The following DOCK1 variants were observed in gnomAD, a reference collection of about 807,000 sequenced individuals.
DOCK1 encodes dedicator of cytokinesis 1.
DOCK1 carries 138 observed loss-of-function variants against 262.7 expected under a neutral mutation model. The observed-to-expected ratio is 0.53, with a 90% CI of 0.46 to 0.61. DOCK1 has a LOEUF of 0.61. Ranked by LOEUF, DOCK1 falls within the 20% of genes least tolerant of loss-of-function variation. The pLI, the probability that DOCK1 is intolerant of heterozygous loss-of-function variation, is 0.00. For synonymous variants in DOCK1, 866 were observed against 867.4 expected (o/e 1.00, Z 0.03); for missense variants, 1,908 against 2,370.7 (o/e 0.80, Z 4.05).
At chr10:127,282,003 A>G (rs1420774532) in intron 29 of DOCK1, among the ~76,000 whole-genome samples, 1 of 152,204 alleles carries the variant, frequency 6.6e-6, no homozygotes, top group Non-Finnish European at 1.5e-5. Flanking sequence ...CACTAATACT[A>G]CAATAGCTGG....
Position 127,359,818 on chromosome 10 carries a change from G to A in DOCK1, c.3284-2246G>A, listed in dbSNP as rs145383074. Among the ~76,000 whole-genome samples, 804 of 150,714 alleles carry A rather than the reference G, an allele frequency of 5.3e-3. 6 individuals carry two copies. Among genetic ancestry groups the A allele is most frequent in the African/African-American group, 0.019 (755 of 40,680 alleles). ...CTTTAATGATTCTCTTTACAGAAAT[G>A]TATATTCACTGAGTTGCAAAGAAAA... is the stretch of plus-strand genomic sequence containing the variant. On this transcript the variant is annotated intron_variant, in intron 32 of 51. Coordinates refer to ENST00000623213, the MANE Select transcript of DOCK1 (RefSeq NM_001290223.2).
intron 1 of DOCK1, among the ~76,000 whole-genome samples, chr10:126,934,063 C>T (rs1194629520): frequency 6.6e-6 from 1 of 152,118 alleles, no homozygotes; most frequent in Non-Finnish European, 1.5e-5. Context: ...AATCTGCCCT[C>T]CTCTTGGCCT....
intron 29 of DOCK1, 34 bp downstream of exon 29, chr10:127,257,463 A>T: frequency 6.5e-7 from 1 of 1,548,926 alleles, no homozygotes; most frequent in South Asian, 1.2e-5. Flanking sequence ...CACCTTTTCT[A>T]TGGCTCCCAA....
At chr10:127,183,096 T>A (rs976584940) in intron 27 of DOCK1, among the ~76,000 whole-genome samples, 11 of 88,720 alleles carry the variant, frequency 1.2e-4, no homozygotes, top group Admixed American at 2.7e-4. Flanking sequence ...TTTTTTTTTT[T>A]AACTAAACAG....
intron 1 of DOCK1, among the ~76,000 whole-genome samples, chr10:126,926,108 G>C (rs1032080858): frequency 3.9e-5 from 6 of 152,108 alleles, no homozygotes; most frequent in Admixed American, 1.3e-4. Flanking sequence ...AGAGTGATGT[G>C]ATAGGGGTAA....
At chr10:127,091,105 C>G (rs1273444214) in intron 23 of DOCK1, among the ~76,000 whole-genome samples, 1 of 152,000 alleles carries the variant, frequency 6.6e-6, no homozygotes, top group African/African-American at 2.4e-5. Context: ...CCTCAGCCTC[C>G]CGAGTAGCTG....
chr10:127,365,578 C>CA (rs762651730), intron 33 of DOCK1, among the ~76,000 whole-genome samples: 1 of 152,162 alleles, frequency 6.6e-6, no homozygotes, highest in Non-Finnish European at 1.5e-5. Context: ...AGATAAATGT[C>CA]ACTGGCACAG....
intron 27 of DOCK1, among the ~76,000 whole-genome samples, chr10:127,209,534 G>A (rs537138387): frequency 2.4e-4 from 37 of 152,284 alleles, no homozygotes; most frequent in Admixed American, 7.2e-4. Flanking sequence ...ACTGTCAGAG[G>A]CAACAGTACA....
chr10:126,928,588 G>C (rs919202376), intron 1 of DOCK1, among the ~76,000 whole-genome samples: 1,828 of 151,906 alleles, frequency 0.012, 33 homozygotes, highest in African/African-American at 0.041. Flanking sequence ...AGTCTGACTT[G>C]TGAACTTGCC....
chr10:127,279,383 T>C (rs967478943), intron 29 of DOCK1, among the ~76,000 whole-genome samples: 1 of 152,182 alleles, frequency 6.6e-6, no homozygotes, highest in African/African-American at 2.4e-5. Flanking sequence ...CAATACTGAT[T>C]TAGTATCTCA....
At chr10:127,343,516 A>T in intron 30 of DOCK1, 130 bp from the exon 31 acceptor site, 2 of 744,970 alleles carry the variant, frequency 2.7e-6, no homozygotes, top group Non-Finnish European at 4.3e-6. Context: ...ACATGTATAG[A>T]GTGAGTGTGG....
rs148743579 is a variant in DOCK1, at chr10:127,033,368, A to G, written c.1912+1048A>G. On this transcript the variant is annotated intron_variant, in intron 18 of 51. Coordinates refer to ENST00000623213, the MANE Select transcript of DOCK1 (RefSeq NM_001290223.2). Reference sequence around the variant, plus strand: ...CGATGCTTTGAGTGCCTGCACCACCACTGCTTGCAGCCTCTCCAGTGACAT... The same window carrying G: ...CGATGCTTTGAGTGCCTGCACCACCGCTGCTTGCAGCCTCTCCAGTGACAT... 2.7e-3 allele frequency among the ~76,000 whole-genome samples: 417 copies of G among 152,288 alleles called. 1 individual carries two copies. Among genetic ancestry groups the G allele is most frequent in the African/African-American group, 8.8e-3 (366 of 41,544 alleles).
At chr10:127,268,532 A>G (rs1264846971) in intron 29 of DOCK1, among the ~76,000 whole-genome samples, 1 of 139,412 alleles carries the variant, frequency 7.2e-6, no homozygotes, top group Non-Finnish European at 1.6e-5. Context: ...AGAAGAGGAA[A>G]GAAAGAAAGA....
intron 27 of DOCK1, among the ~76,000 whole-genome samples, chr10:127,168,405 T>C (rs2054271172): frequency 1.3e-5 from 2 of 152,274 alleles, no homozygotes; most frequent in South Asian, 4.1e-4. Context: ...ACAACCTTTT[T>C]GCTTCTGATC....
intron 1 of DOCK1, among the ~76,000 whole-genome samples, chr10:126,915,438 G>C (rs1216125455): frequency 6.7e-6 from 1 of 148,482 alleles, no homozygotes. Flanking sequence ...GGCGGGGGGG[G>C]GATGGAGTCT....
intron 24 of DOCK1, among the ~76,000 whole-genome samples, chr10:127,106,666 G>A (rs888850746): frequency 3.9e-5 from 6 of 152,050 alleles, no homozygotes; most frequent in Middle Eastern, 3.4e-3. Context: ...ATATTCCTGC[G>A]CCGGCTTCTG....
intron 1 of DOCK1, among the ~76,000 whole-genome samples, chr10:126,913,743 C>A (rs192915310): frequency 6.6e-6 from 1 of 152,286 alleles, no homozygotes; most frequent in Admixed American, 6.5e-5. Flanking sequence ...TCTGTCAGTT[C>A]GTTGAATTTT....
At chr10:126,954,621 G>A (rs998513404) in intron 1 of DOCK1, among the ~76,000 whole-genome samples, 2 of 152,116 alleles carry the variant, frequency 1.3e-5, no homozygotes, top group Non-Finnish European at 2.9e-5. Flanking sequence ...GGCAGCCGCC[G>A]TGCTATTTTC....
rs2068371299 is a variant in DOCK1 at position 127,419,555 on chromosome 10, G to A, written c.4693-111G>A. On this transcript the variant is annotated intron_variant, in intron 45 of 51. Transcript: ENST00000623213. ...ACCCTGAGTCTGCAGTGAGCTTCGTGTGGATCTGTTTTATGCACAGCTCTA... is the reference window on the plus strand; with the variant it reads ...ACCCTGAGTCTGCAGTGAGCTTCGTATGGATCTGTTTTATGCACAGCTCTA... 11 of 1,022,668 alleles carry A rather than the reference G, an allele frequency of 1.1e-5. No individual in the cohort carries two copies. In the South Asian group the frequency reaches 1.3e-4, roughly 12 times the overall value. The allele number at this position is 1,022,668 out of a possible 1,614,324, so 63.3% of individuals were successfully genotyped here.
Sources: allele counts gnomAD v4.1 joint callset (sites outside exome capture counted in the v4.1 genomes callset), GRCh38; gene constraint gnomAD v4.1.1; transcripts MANE v1.5; gene names NCBI Gene and HGNC (gene_info 2026-07-23, HGNC 2026-07-21).